Variants in KDM6A observed in about 807,000 individuals in gnomAD.
KDM6A encodes lysine demethylase 6A.
In KDM6A, 11 loss-of-function variants were observed where a neutral mutation model predicts 117.6. That is an observed-to-expected ratio of 0.09 (90% CI 0.06 to 0.15). The LOEUF (loss-of-function observed/expected upper bound fraction) is 0.15, where lower values mean the gene tolerates loss of function less well. Ranked by LOEUF, KDM6A falls within the 10% of genes least tolerant of loss-of-function variation. The pLI is 1.00. For missense variants in KDM6A, 799 were observed against 1,077.3 expected (o/e 0.74, Z 3.62); for synonymous variants, 384 against 396.1 (o/e 0.97, Z 0.36).
At chrX:45,024,912 C>G (rs977712023) in intron 6 of KDM6A, among the ~76,000 whole-genome samples, 2 of 111,762 alleles carry the variant, frequency 1.8e-5, no homozygotes, top group Non-Finnish European at 3.8e-5. Flanking sequence ...TGCCCATCCT[C>G]AGAAATGTGA....
intron 18 of KDM6A, among the ~76,000 whole-genome samples, chrX:45,071,739 T>TCCTTTTCTTG (rs2044843345): frequency 1.0e-5 from 1 of 96,929 alleles, no homozygotes; most frequent in Non-Finnish European, 2.1e-5. Context: ...GTGTTTTCTT[T>TCCTTTTCTTG]TCTTTTCTTG....
At chrX:45,040,296 ACGGGGCGGC>A (rs2043024066) in intron 8 of KDM6A, among the ~76,000 whole-genome samples, 1 of 90,982 alleles carries the variant, frequency 1.1e-5, no homozygotes, top group Non-Finnish European at 2.2e-5. Context: ...TCCCTCCCGG[ACGGGGCGGC>A]TGGCCGGGCA....
intron 27 of KDM6A, among the ~76,000 whole-genome samples, chrX:45,104,087 C>T (rs1303495687): frequency 9.6e-6 from 1 of 104,034 alleles, no homozygotes. Flanking sequence ...TGCAATGGTG[C>T]GATCTCGTCT....
rs2045469926 is a variant in KDM6A at position 45,082,703 on chromosome X, C to G, written c.3366-12C>G. 8.3e-7 allele frequency: 1 copy of G among 1,198,495 alleles called. No individual in the cohort carries two copies. Among genetic ancestry groups the G allele is most frequent in the African/African-American group, 1.7e-5 (1 of 57,419 alleles). On this transcript the variant is annotated splice_polypyrimidine_tract_variant and intron_variant, in intron 22 of 29. Transcript: ENST00000611820. ...AAAAGGCATGTTTCTAATACTGTGT[C>G]TCTTTTTTAAGTTCTGGGAGGAGGA...
chrX:45,011,096 T>A, intron 5 of KDM6A, 77 bp downstream of exon 5: 1 of 749,511 alleles, frequency 1.3e-6, no homozygotes, highest in Non-Finnish European at 2.1e-6. Flanking sequence ...TGCTTGATTT[T>A]TTGTGTGTGT....
chrX:45,079,252 T>C lies in KDM6A; in HGVS notation c.3201T>C (p.Thr1067=), dbSNP rs1159459004. 1.3e-5 allele frequency: 16 copies of C among 1,204,818 alleles called. No homozygotes were observed. Among genetic ancestry groups the C allele is most frequent in the Non-Finnish European group, 1.5e-5 (13 of 890,812 alleles). ...LQPADENWDP[T]GTKKIWHCES... is the part of the protein sequence containing the mutation. ...CAGCAGATGAAAACTGGGATCCCAC[T>C]GGAACAAAGAAAATCTGGCATTGTG... The change falls in exon 21 of 30, where the codon ACT becomes ACC. Residue 1067 remains threonine (T), a synonymous_variant. Coordinates refer to ENST00000611820, the MANE Select transcript of KDM6A (RefSeq NM_001291415.2).
At chrX:44,966,139 T>A (rs1197223998) in intron 3 of KDM6A, among the ~76,000 whole-genome samples, 2 of 104,307 alleles carry the variant, frequency 1.9e-5, no homozygotes, top group East Asian at 2.9e-4. Context: ...TATATATATT[T>A]TTTTTTTAAT....
chrX:45,016,109 T>C lies in KDM6A; in HGVS notation c.444-4501T>C, dbSNP rs188947285. Among the ~76,000 whole-genome samples, 14 of 112,163 alleles carry C rather than the reference T, an allele frequency of 1.2e-4. No homozygotes were observed. In the East Asian group the frequency reaches 3.9e-3, roughly 31 times the overall value. On this transcript the variant is annotated intron_variant, in intron 5 of 29. Coordinates refer to ENST00000611820, the MANE Select transcript of KDM6A (RefSeq NM_001291415.2). ...CTCCCCTAAATATTAATATATTCTT[T>C]GTGCCAGTCACAGTGTATTAACATT...
chrX:44,978,330 A>T (rs2039717722), intron 4 of KDM6A, among the ~76,000 whole-genome samples: 1 of 112,250 alleles, frequency 8.9e-6, no homozygotes, highest in Non-Finnish European at 1.9e-5. Context: ...CTGATTTGAG[A>T]TGTTGCCTTA....
intron 2 of KDM6A, among the ~76,000 whole-genome samples, chrX:44,932,303 G>T (rs1433783844): frequency 1.9e-5 from 2 of 107,103 alleles, no homozygotes; most frequent in Non-Finnish European, 3.8e-5. Flanking sequence ...GTGGGGGGTG[G>T]TCTCACCATG....
chrX:45,109,145 TAAATA>T (rs2046665510), intron 28 of KDM6A, among the ~76,000 whole-genome samples: 2 of 90,736 alleles, frequency 2.2e-5, no homozygotes, highest in Admixed American at 1.2e-4. Flanking sequence ...TAATAATAAA[TAAATA>T]AATAAATAAA....
chrX:45,110,340 T>C (rs1208279999), intron 29 of KDM6A, 91 bp downstream of exon 29: 1 of 821,927 alleles, frequency 1.2e-6, no homozygotes, highest in African/African-American at 2.0e-5. Context: ...GGTAATGAAA[T>C]ATTTTAAATT....
chrX:44,969,836 AT>A (rs2039250102), intron 3 of KDM6A, among the ~76,000 whole-genome samples: 1 of 112,323 alleles, frequency 8.9e-6, no homozygotes, highest in East Asian at 2.8e-4. Flanking sequence ...AAAATTGTCA[AT>A]TTTTTAATCC....
chrX:44,959,429 C>G (rs1245650217), intron 2 of KDM6A, among the ~76,000 whole-genome samples: 1 of 109,753 alleles, frequency 9.1e-6, no homozygotes, highest in East Asian at 2.9e-4. Context: ...ATGTTGGCAT[C>G]TTTTTTGTTT....
At chrX:44,950,596 G>A (rs1233544931) in intron 2 of KDM6A, among the ~76,000 whole-genome samples, 1 of 110,608 alleles carries the variant, frequency 9.0e-6, no homozygotes, top group Non-Finnish European at 1.9e-5. Flanking sequence ...GTGTGTGTGT[G>A]TGTGTGTCTG....
At chrX:44,903,548 G>A (rs986968621) in intron 2 of KDM6A, among the ~76,000 whole-genome samples, 2 of 111,017 alleles carry the variant, frequency 1.8e-5, no homozygotes, top group African/African-American at 6.6e-5. Context: ...TCCTTCTTCT[G>A]TGACTTCAAT....
At chrX:44,940,749 T>C (rs1008429430) in intron 2 of KDM6A, among the ~76,000 whole-genome samples, 11 of 111,907 alleles carry the variant, frequency 9.8e-5, no homozygotes, top group African/African-American at 3.2e-4. Context: ...ATACAACATG[T>C]ACTCGGCAAG....
intron 2 of KDM6A, among the ~76,000 whole-genome samples, chrX:44,908,638 C>T (rs1199099545): frequency 2.7e-5 from 3 of 111,507 alleles, no homozygotes; most frequent in African/African-American, 9.8e-5. Context: ...GACCTGTCGT[C>T]AGAAGTCACA....
At chrX:44,910,825 T>C (rs1284698946) in intron 2 of KDM6A, among the ~76,000 whole-genome samples, 2 of 111,738 alleles carry the variant, frequency 1.8e-5, no homozygotes, top group African/African-American at 6.5e-5. Flanking sequence ...GGTAAGGTCA[T>C]AGATCAACAG....
Sources: gnomAD v4.1 joint callset for allele counts (sites outside exome capture counted in the v4.1 genomes callset) on GRCh38, gnomAD v4.1.1 for gene constraint, MANE v1.5 for transcripts, NCBI Gene and HGNC (gene_info 2026-07-23, HGNC 2026-07-21) for gene names.